The following GPC6 variants were observed in gnomAD, a reference collection of about 807,000 sequenced individuals.
GPC6 encodes glypican 6, also known as glypican-6.
Under a neutral mutation model 55.2 loss-of-function variants are expected in GPC6, and 14 were observed. The observed-to-expected ratio is 0.25, with a 90% confidence interval of 0.17 to 0.40. GPC6 has a LOEUF of 0.40. Ranked by LOEUF, GPC6 falls within the 10% of genes least tolerant of loss-of-function variation. The probability of loss-of-function intolerance (pLI) is 1.00; values close to 1 mark genes in which losing one functional copy is unlikely to be tolerated. For missense variants in GPC6, 641 were observed against 708.5 expected, an observed-to-expected ratio of 0.90 and a Z score of 1.08; for synonymous variants, 278 against 259.6, an observed-to-expected ratio of 1.07 and a Z score of -0.68.
At chr13:93,399,126 C>G (rs1875973923) in intron 1 of GPC6, among the ~76,000 whole-genome samples, 1 of 152,050 alleles carries the variant, frequency 6.6e-6, no homozygotes, top group African/African-American at 2.4e-5. Context: ...ACCGTGGTCT[C>G]TCATTCTTTC....
At chr13:93,759,377 T>A (rs1248720045) in intron 2 of GPC6, among the ~76,000 whole-genome samples, 1 of 152,214 alleles carries the variant, frequency 6.6e-6, no homozygotes, top group African/African-American at 2.4e-5. Context: ...GATTCCTATG[T>A]CAGCATTGAA....
chr13:94,178,019 C>CTTTTAATTTTTTTTTTT lies in GPC6; in HGVS notation c.878-108329_878-108313dup, dbSNP rs1555304324. ...GCATGTATCATTCTTTTTCAGTGGC[C>CTTTTAATTTTTTTTTTT]TTTTAATTTTTTTTTTTGAGATGGA... On this transcript the variant is annotated intron_variant, in intron 4 of 8. Coordinates refer to ENST00000377047, the MANE Select transcript of GPC6 (RefSeq NM_005708.5). Among the ~76,000 whole-genome samples, 4 of 121,388 alleles carry CTTTTAATTTTTTTTTTT rather than the reference C, an allele frequency of 3.3e-5. No individual in the cohort carries two copies. The East Asian group carries it at 8.7e-4, about 27-fold the overall frequency. 79.6% of individuals were successfully genotyped at this position (121,388 alleles called of 152,430 possible). A position where few individuals can be genotyped will look rare whatever the true frequency, so the allele number is the denominator to read the frequency against.
intron 6 of GPC6, among the ~76,000 whole-genome samples, chr13:94,310,311 C>G (rs985809340): frequency 1.3e-5 from 2 of 151,952 alleles, no homozygotes; most frequent in African/African-American, 2.4e-5. Flanking sequence ...GAAATTAACT[C>G]AACAAGTTGG....
chr13:93,644,976 G>A (rs918147942), intron 2 of GPC6, among the ~76,000 whole-genome samples: 1 of 151,968 alleles, frequency 6.6e-6, no homozygotes, highest in South Asian at 2.1e-4. Flanking sequence ...ACATTTCAAA[G>A]CAATTGAACA....
intron 3 of GPC6, among the ~76,000 whole-genome samples, chr13:93,958,595 T>C (rs1879619929): frequency 6.6e-6 from 1 of 152,190 alleles, no homozygotes; most frequent in South Asian, 2.1e-4. Flanking sequence ...GTTCACTATA[T>C]AGCCTTATAG....
chr13:93,813,536 C>A (rs971817635), intron 2 of GPC6, among the ~76,000 whole-genome samples: 3 of 152,012 alleles, frequency 2.0e-5, no homozygotes, highest in African/African-American at 7.2e-5. Flanking sequence ...CTTAAAGATA[C>A]AATTGATTAT....
chr13:93,856,512 C>T (rs1019379466), intron 3 of GPC6, among the ~76,000 whole-genome samples: 3 of 151,514 alleles, frequency 2.0e-5, no homozygotes, highest in Admixed American at 6.6e-5. Flanking sequence ...TTGTAGGGAG[C>T]TGTGTGTAGC....
chr13:93,876,314 G>GA lies in GPC6; in HGVS notation c.711+45778dup, dbSNP rs201940730. ...TATAAACTTGATATCTGAACTTAGG[G>GA]AAAAAAAAACCTAACTTTTGTCTTG... On this transcript the variant is annotated intron_variant, in intron 3 of 8. Transcript: ENST00000377047. Among the ~76,000 whole-genome samples the GA allele has an allele frequency of 5.5e-4, 82 of 149,978 alleles. 1 individual carries two copies. Among genetic ancestry groups the GA allele is most frequent in the African/African-American group, 1.4e-3 (59 of 40,932 alleles).
chr13:93,267,474 T>A (rs1474805198), intron 1 of GPC6, among the ~76,000 whole-genome samples: 1 of 152,086 alleles, frequency 6.6e-6, no homozygotes, highest in Non-Finnish European at 1.5e-5. Context: ...ATTGGAAGAT[T>A]CACGTGAAAT....
intron 1 of GPC6, among the ~76,000 whole-genome samples, chr13:93,254,731 G>T (rs1876897247): frequency 6.6e-6 from 1 of 152,024 alleles, no homozygotes; most frequent in African/African-American, 2.4e-5. Context: ...AGAGAGTGAG[G>T]ATGCCCAGAT....
At chr13:93,550,294 CTTT>C (rs1392821222) in intron 2 of GPC6, among the ~76,000 whole-genome samples, 6 of 152,008 alleles carry the variant, frequency 3.9e-5, no homozygotes, top group Non-Finnish European at 5.9e-5. Flanking sequence ...TGTTTAGGTT[CTTT>C]TTCCTTTGGA....
chr13:93,825,600 A>G (rs1369036834), intron 2 of GPC6, among the ~76,000 whole-genome samples: 2 of 152,188 alleles, frequency 1.3e-5, no homozygotes, highest in Non-Finnish European at 2.9e-5. Flanking sequence ...GTCTCCCTTC[A>G]TTAACGCTCC....
At chr13:94,139,889 G>C (rs952403132) in intron 4 of GPC6, among the ~76,000 whole-genome samples, 2 of 152,030 alleles carry the variant, frequency 1.3e-5, no homozygotes, top group Non-Finnish European at 2.9e-5. Flanking sequence ...TCTGATTGTT[G>C]TTAACATTGA....
intron 2 of GPC6, among the ~76,000 whole-genome samples, chr13:93,611,457 G>A (rs913052968): frequency 1.3e-5 from 2 of 152,102 alleles, no homozygotes; most frequent in African/African-American, 4.8e-5. Context: ...TAGTACAGAT[G>A]TATTTTATTT....
At chr13:93,337,185 G>A (rs1426860094) in intron 1 of GPC6, among the ~76,000 whole-genome samples, 1 of 152,118 alleles carries the variant, frequency 6.6e-6, no homozygotes, top group Non-Finnish European at 1.5e-5. Context: ...AAGTAAAATA[G>A]ATATACCTAC....
intron 3 of GPC6, among the ~76,000 whole-genome samples, chr13:93,957,010 T>C (rs1879538261): frequency 6.6e-6 from 1 of 152,142 alleles, no homozygotes; most frequent in African/African-American, 2.4e-5. Context: ...TATTCCCAAA[T>C]TAGCCCAGGA....
At chr13:93,743,732 A>C (rs1406717553) in intron 2 of GPC6, among the ~76,000 whole-genome samples, 7 of 151,964 alleles carry the variant, frequency 4.6e-5, no homozygotes, top group Non-Finnish European at 4.4e-5. Context: ...TTAAGAATTA[A>C]AATTTATTAT....
intron 2 of GPC6, among the ~76,000 whole-genome samples, chr13:93,628,655 CT>C (rs142891374): frequency 0.01 from 1,556 of 152,270 alleles, 25 homozygotes; most frequent in African/African-American, 0.036. Context: ...TGGCCAGTGA[CT>C]CCACTTGGAT....
At chr13:94,308,969 G>T (rs1171487848) in intron 6 of GPC6, among the ~76,000 whole-genome samples, 1 of 152,124 alleles carries the variant, frequency 6.6e-6, no homozygotes, top group African/African-American at 2.4e-5. Flanking sequence ...AGTCAAACAC[G>T]CTCATCTTTA....
Sources: gnomAD v4.1 joint callset for allele counts (sites outside exome capture counted in the v4.1 genomes callset) on GRCh38, gnomAD v4.1.1 for gene constraint, MANE v1.5 for transcripts, NCBI Gene and HGNC (gene_info 2026-07-23, HGNC 2026-07-21) for gene names.